Variants in CDK14 observed in about 807,000 individuals in gnomAD.
CDK14 encodes cyclin-dependent kinase 14.
Under a neutral mutation model 60.7 loss-of-function variants are expected in CDK14, and 34 were observed. The observed-to-expected ratio is 0.56, with a 90% CI of 0.43 to 0.75. The LOEUF is 0.75. CDK14 is among the 30% of genes least tolerant of loss of function. The pLI is 0.00. For synonymous variants in CDK14, 197 were observed against 203.7 expected (o/e 0.97, Z 0.28); for missense variants, 482 against 564.1 (o/e 0.85, Z 1.47).
intron 2 of CDK14, among the ~76,000 whole-genome samples, chr7:90,723,835 T>C (rs1189410417): frequency 6.6e-6 from 1 of 152,214 alleles, no homozygotes; most frequent in Non-Finnish European, 1.5e-5. Flanking sequence ...GCATTCAATT[T>C]GTTGAAGATG....
chr7:90,690,801 A>T (rs1295451574), intron 2 of CDK14, among the ~76,000 whole-genome samples: 1 of 152,162 alleles, frequency 6.6e-6, no homozygotes, highest in Non-Finnish European at 1.5e-5. Context: ...AATTTTCCCC[A>T]TGGTTGTAAT....
intron 14 of CDK14, among the ~76,000 whole-genome samples, chr7:91,150,925 T>G (rs1227723435): frequency 6.6e-6 from 1 of 152,238 alleles, no homozygotes; most frequent in Non-Finnish European, 1.5e-5. Context: ...TAGGTATTAC[T>G]ATAATAAATA....
chr7:91,186,648 A>G (rs1447050157), intron 14 of CDK14, among the ~76,000 whole-genome samples: 1 of 152,162 alleles, frequency 6.6e-6, no homozygotes, highest in Non-Finnish European at 1.5e-5. Flanking sequence ...ATATTTATTC[A>G]GGTTAATTTT....
At chr7:90,905,566 G>C (rs751032966) in intron 7 of CDK14, among the ~76,000 whole-genome samples, 1 of 152,080 alleles carries the variant, frequency 6.6e-6, no homozygotes. Flanking sequence ...TAATGCTGTA[G>C]CCAAGCTCAT....
At chr7:90,952,230 G>A (rs559172513) in intron 8 of CDK14, among the ~76,000 whole-genome samples, 5 of 152,254 alleles carry the variant, frequency 3.3e-5, no homozygotes, top group Admixed American at 2.0e-4. Context: ...GCTGGTCTGC[G>A]TAGGGAAAAT....
intron 2 of CDK14, among the ~76,000 whole-genome samples, chr7:90,716,000 A>G (rs1258736331): frequency 6.6e-6 from 1 of 151,994 alleles, no homozygotes; most frequent in Non-Finnish European, 1.5e-5. Context: ...ATTTGGTCGT[A>G]TGATATGAAT....
At chr7:90,645,684 G>T (rs1364058156) in intron 2 of CDK14, among the ~76,000 whole-genome samples, 1 of 151,982 alleles carries the variant, frequency 6.6e-6, no homozygotes, top group African/African-American at 2.4e-5. Flanking sequence ...TAAAATGAAT[G>T]TTTTTAGACA....
intron 8 of CDK14, among the ~76,000 whole-genome samples, chr7:90,919,647 T>A (rs1793186760): frequency 6.6e-6 from 1 of 152,186 alleles, no homozygotes; most frequent in Non-Finnish European, 1.5e-5. Context: ...AATAGAAATA[T>A]ACTATTTTGT....
intron 3 of CDK14, among the ~76,000 whole-genome samples, chr7:90,729,697 C>T (rs1802784870): frequency 1.3e-5 from 2 of 151,362 alleles, no homozygotes; most frequent in African/African-American, 4.9e-5. Context: ...GTGGGAACTG[C>T]TTTGCTTTCT....
rs921624462 is a variant in CDK14, at chr7:91,210,084, C to T, written c.*2948C>T. The T allele has an allele frequency of 3.9e-5, 6 of 152,560 alleles. No individual in the cohort carries two copies. Among genetic ancestry groups the T allele is most frequent in the Non-Finnish European group, 5.9e-5 (4 of 68,010 alleles). The allele number at this position is 152,560 out of a possible 1,614,324, so 9.5% of individuals were successfully genotyped here. ...CTGTATATACTGGGGTAGATTATTG[C>T]CTGCCCCTTATACATAGGAATATGC... On this transcript the variant is annotated 3_prime_UTR_variant, in exon 15 of 15. Transcript: ENST00000380050.
At chr7:90,809,827 G>T (rs1789015346) in intron 5 of CDK14, among the ~76,000 whole-genome samples, 1 of 152,190 alleles carries the variant, frequency 6.6e-6, no homozygotes, top group Admixed American at 6.5e-5. Flanking sequence ...TACCATCAGA[G>T]AATACTATGA....
rs540808258 is a variant in CDK14 at position 91,160,474 on chromosome 7, T to G, written c.*28+42266T>G. 5.1e-4 allele frequency among the ~76,000 whole-genome samples: 78 copies of G among 152,246 alleles called. No homozygotes were observed. The South Asian group carries it at 0.012, about 23-fold the overall frequency. ...GTCCCCAATCACCATCTGGATAATA[T>G]ATGTATAAAGATTATGTTATGATGG... On this transcript the variant is annotated intron_variant, in intron 14 of 14. Coordinates refer to ENST00000380050, the MANE Select transcript of CDK14 (RefSeq NM_001287135.2).
At chr7:90,983,751 G>A (rs532377334) in intron 9 of CDK14, among the ~76,000 whole-genome samples, 93 of 151,736 alleles carry the variant, frequency 6.1e-4, no homozygotes, top group African/African-American at 2.1e-3. Context: ...ATTATGCTAA[G>A]TGAATTAACA....
intron 10 of CDK14, among the ~76,000 whole-genome samples, chr7:91,030,133 T>G (rs1796720316): frequency 6.6e-6 from 1 of 152,214 alleles, no homozygotes; most frequent in African/African-American, 2.4e-5. Context: ...TATTAAAATT[T>G]TAATTGTATA....
intron 5 of CDK14, among the ~76,000 whole-genome samples, chr7:90,836,999 G>A (rs1051739398): frequency 6.6e-6 from 1 of 152,200 alleles, no homozygotes; most frequent in African/African-American, 2.4e-5. Context: ...TGAAATACAA[G>A]TTAAGCAGCC....
intron 2 of CDK14, among the ~76,000 whole-genome samples, chr7:90,669,932 C>G (rs966060329): frequency 6.6e-6 from 1 of 152,170 alleles, no homozygotes; most frequent in Non-Finnish European, 1.5e-5. Context: ...GTTTAAGGAA[C>G]TGGAAAAAGT....
chr7:91,027,709 T>C (rs979553310), intron 10 of CDK14, among the ~76,000 whole-genome samples: 17 of 150,926 alleles, frequency 1.1e-4, no homozygotes, highest in African/African-American at 4.1e-4. Context: ...TTTGGTTACA[T>C]GGATAAATTG....
intron 14 of CDK14, among the ~76,000 whole-genome samples, chr7:91,203,622 C>A (rs1207201747): frequency 6.6e-6 from 1 of 152,134 alleles, no homozygotes; most frequent in Non-Finnish European, 1.5e-5. Context: ...AACTTCATGC[C>A]TGGGCAAGCA....
chr7:90,781,229 T>A (rs1297082484), intron 4 of CDK14, among the ~76,000 whole-genome samples: 1 of 152,260 alleles, frequency 6.6e-6, no homozygotes, highest in African/African-American at 2.4e-5. Context: ...GAGAAGTGTC[T>A]GTTCATGTCC....
Sources: gnomAD v4.1 joint callset for allele counts (sites outside exome capture counted in the v4.1 genomes callset) on GRCh38, gnomAD v4.1.1 for gene constraint, MANE v1.5 for transcripts, NCBI Gene and HGNC (gene_info 2026-07-23, HGNC 2026-07-21) for gene names.